CAMKMT: variants seen among roughly 807,000 people sequenced by gnomAD.
CAMKMT encodes CaM KMT.
CAMKMT carries 53 observed loss-of-function variants against 48.0 expected under a neutral mutation model. That is an observed-to-expected ratio of 1.10 (90% CI 0.89 to 1.39). The LOEUF (loss-of-function observed/expected upper bound fraction) is 1.39, where lower values mean the gene tolerates loss of function less well. CAMKMT is among the 40% of genes most tolerant of loss of function. CAMKMT has a pLI of 0.00. For synonymous variants in CAMKMT, 165 were observed against 152.3 expected, an observed-to-expected ratio of 1.08 and a Z score of -0.61; for missense variants, 428 against 402.7, an observed-to-expected ratio of 1.06 and a Z score of -0.54.
intron 3 of CAMKMT, among the ~76,000 whole-genome samples, chr2:44,525,794 A>G (rs2104811369): frequency 6.6e-6 from 1 of 152,236 alleles, no homozygotes; most frequent in African/African-American, 2.4e-5. Context: ...TCAAATCTGG[A>G]TCTATCAGAC....
intron 3 of CAMKMT, among the ~76,000 whole-genome samples, chr2:44,536,846 C>T (rs1356881070): frequency 6.6e-6 from 1 of 152,058 alleles, no homozygotes; most frequent in Non-Finnish European, 1.5e-5. Context: ...ATAGAGAACC[C>T]AGAAGTAAAT....
intron 8 of CAMKMT, among the ~76,000 whole-genome samples, chr2:44,745,659 G>A (rs1329636713): frequency 1.3e-5 from 2 of 150,984 alleles, no homozygotes; most frequent in East Asian, 3.9e-4. Context: ...TTTTTCCCCT[G>A]GGTGTTGTAA....
chr2:44,490,411 G>A (rs1442755843), intron 3 of CAMKMT, among the ~76,000 whole-genome samples: 1 of 152,166 alleles, frequency 6.6e-6, no homozygotes, highest in Non-Finnish European at 1.5e-5. Flanking sequence ...GAGTAGCTGG[G>A]ATTACAGGCA....
chr2:44,384,202 G>C (rs1680543169), intron 2 of CAMKMT, among the ~76,000 whole-genome samples: 1 of 152,058 alleles, frequency 6.6e-6, no homozygotes, highest in South Asian at 2.1e-4. Context: ...TTGTGCTTTT[G>C]ATTTGCTTTT....
At chr2:44,382,760 T>C (rs1680383152) in intron 2 of CAMKMT, among the ~76,000 whole-genome samples, 1 of 152,172 alleles carries the variant, frequency 6.6e-6, no homozygotes, top group Non-Finnish European at 1.5e-5. Context: ...ATTACAGGCG[T>C]GAGCCACCAC....
intron 3 of CAMKMT, among the ~76,000 whole-genome samples, chr2:44,666,844 G>A (rs1279344139): frequency 1.3e-5 from 2 of 152,110 alleles, no homozygotes; most frequent in Non-Finnish European, 2.9e-5. Context: ...TCCTGACCTC[G>A]TGATCTGCCC....
At chr2:44,677,961 A>T (rs1675808507) in intron 3 of CAMKMT, among the ~76,000 whole-genome samples, 1 of 152,144 alleles carries the variant, frequency 6.6e-6, no homozygotes, top group African/African-American at 2.4e-5. Context: ...CAATTAGAGG[A>T]TGTATAAAGA....
intron 3 of CAMKMT, among the ~76,000 whole-genome samples, chr2:44,538,554 T>C (rs562723040): frequency 6.6e-6 from 1 of 152,244 alleles, no homozygotes; most frequent in East Asian, 1.9e-4. Flanking sequence ...TTCTCACTTA[T>C]AAGTGGGAAC....
chr2:44,381,385 T>C (rs1033541323), intron 2 of CAMKMT, among the ~76,000 whole-genome samples: 14 of 152,254 alleles, frequency 9.2e-5, no homozygotes, highest in Non-Finnish European at 1.8e-4. Context: ...CATCCTGATA[T>C]ATGAGAGACA....
intron 3 of CAMKMT, among the ~76,000 whole-genome samples, chr2:44,583,067 A>G (rs1173870762): frequency 6.6e-6 from 1 of 152,206 alleles, no homozygotes; most frequent in Non-Finnish European, 1.5e-5. Context: ...AATAGTCATT[A>G]TTTGGGTATT....
intron 3 of CAMKMT, among the ~76,000 whole-genome samples, chr2:44,527,644 G>T (rs62135372): frequency 6.6e-6 from 1 of 151,292 alleles, no homozygotes; most frequent in Non-Finnish European, 1.5e-5. Context: ...TTCTGATTTT[G>T]TGCAACATGT....
At chr2:44,369,112 G>T (rs1217095108) in intron 1 of CAMKMT, among the ~76,000 whole-genome samples, 1 of 152,024 alleles carries the variant, frequency 6.6e-6, no homozygotes, top group African/African-American at 2.4e-5. Flanking sequence ...TCGAACTCCT[G>T]GCCTCCAGTG....
At chr2:44,544,558 G>T (rs1415079259) in intron 3 of CAMKMT, among the ~76,000 whole-genome samples, 1 of 152,210 alleles carries the variant, frequency 6.6e-6, no homozygotes, top group Non-Finnish European at 1.5e-5. Context: ...ATTGTTTGCT[G>T]CTGTAGCTAG....
intron 4 of CAMKMT, chr2:44,705,518 A>G: frequency 1.0e-6 from 1 of 985,362 alleles, no homozygotes; most frequent in Non-Finnish European, 1.2e-6. Context: ...AAGGGCTGAT[A>G]TTTAGGCACA....
At chr2:44,748,101 C>T (rs1166880786) in intron 8 of CAMKMT, among the ~76,000 whole-genome samples, 1 of 152,134 alleles carries the variant, frequency 6.6e-6, no homozygotes, top group Non-Finnish European at 1.5e-5. Context: ...CCCTCTAAAA[C>T]ACATTGAAAT....
At chr2:44,678,415 T>C (rs1675838259) in intron 3 of CAMKMT, among the ~76,000 whole-genome samples, 1 of 152,184 alleles carries the variant, frequency 6.6e-6, no homozygotes, top group Non-Finnish European at 1.5e-5. Context: ...ATGAGGCTGC[T>C]TACTCATCAG....
In CAMKMT at chr2:44,427,303, A is replaced by G. The variant is rs115548912; in HGVS notation, c.376+36998A>G. 3.7e-3 allele frequency among the ~76,000 whole-genome samples: 558 copies of G among 152,348 alleles called. 3 individuals carry two copies. The highest frequency in any genetic ancestry group is 5.8e-3 in the Non-Finnish European group (394 of 68,020). On this transcript the variant is annotated intron_variant, in intron 3 of 10. Coordinates refer to ENST00000378494, the MANE Select transcript of CAMKMT (RefSeq NM_024766.5). ...AACAAATGCAACAAAAAAATTGACA[A>G]TTGGTCCTAATTAGACAAAAGAACT...
At chr2:44,634,566 T>TG (rs1395531623) in intron 3 of CAMKMT, among the ~76,000 whole-genome samples, 1 of 152,068 alleles carries the variant, frequency 6.6e-6, no homozygotes, top group African/African-American at 2.4e-5. Flanking sequence ...AGTGATTTAT[T>TG]GAGTACCTAC....
chr2:44,377,694 A>C (rs1679839467), intron 2 of CAMKMT, among the ~76,000 whole-genome samples: 1 of 152,184 alleles, frequency 6.6e-6, no homozygotes, highest in South Asian at 2.1e-4. Context: ...TTACTATGGT[A>C]ATTGCTGAAT....
Sources: allele counts gnomAD v4.1 joint callset (sites outside exome capture counted in the v4.1 genomes callset), GRCh38; gene constraint gnomAD v4.1.1; transcripts MANE v1.5; gene names NCBI Gene and HGNC (gene_info 2026-07-23, HGNC 2026-07-21).